MACROD2: variants seen among roughly 807,000 people sequenced by gnomAD.
MACROD2 encodes mono-ADP ribosylhydrolase 2, also known as ADP-ribose glycohydrolase MACROD2.
MACROD2 carries 36 observed loss-of-function variants against 70.4 expected under a neutral mutation model. The observed-to-expected ratio is 0.51, with a 90% confidence interval of 0.39 to 0.68. The LOEUF (loss-of-function observed/expected upper bound fraction) is 0.68. MACROD2 is among the 30% of genes least tolerant of loss of function. The pLI is 0.00. For missense variants in MACROD2, 496 were observed against 538.4 expected (o/e 0.92, Z 0.78); for synonymous variants, 172 against 178.8 (o/e 0.96, Z 0.30).
intron 2 of MACROD2, among the ~76,000 whole-genome samples, chr20:14,051,197 G>A (rs1000120447): frequency 5.9e-5 from 9 of 152,160 alleles, no homozygotes; most frequent in Admixed American, 1.3e-4. Context: ...GGAAAGGATG[G>A]AGGAATGAGA....
At chr20:15,866,952 A>T (rs1207292880) in intron 9 of MACROD2, among the ~76,000 whole-genome samples, 1 of 152,168 alleles carries the variant, frequency 6.6e-6, no homozygotes, top group Non-Finnish European at 1.5e-5. Flanking sequence ...CAGGCCTCTA[A>T]AAACAAAGTA....
intron 3 of MACROD2, among the ~76,000 whole-genome samples, chr20:14,212,083 A>T (rs2081576021): frequency 6.6e-6 from 1 of 152,208 alleles, no homozygotes; most frequent in Non-Finnish European, 1.5e-5. Context: ...CACACCTGAA[A>T]CACATCTTGC....
At chr20:15,222,534 TA>T (rs2076871023) in intron 5 of MACROD2, among the ~76,000 whole-genome samples, 1 of 152,218 alleles carries the variant, frequency 6.6e-6, no homozygotes. Flanking sequence ...GTTGTATCTC[TA>T]AAAAAGAAAA....
chr20:14,412,340 A>C (rs1017833251), intron 3 of MACROD2, among the ~76,000 whole-genome samples: 1 of 152,172 alleles, frequency 6.6e-6, no homozygotes, highest in Admixed American at 6.5e-5. Flanking sequence ...TCAATTAAAG[A>C]TGTCATGTTG....
intron 5 of MACROD2, among the ~76,000 whole-genome samples, chr20:15,140,339 C>CCTAT (rs11473490): frequency 0.58 from 87,581 of 151,244 alleles, 25,407 homozygotes; most frequent in East Asian, 0.6. Context: ...CAGAGAAAGG[C>CCTAT]CTATCAGTAC....
intron 6 of MACROD2, among the ~76,000 whole-genome samples, chr20:15,302,419 A>G (rs2077655996): frequency 8.9e-6 from 1 of 112,422 alleles, no homozygotes; most frequent in Non-Finnish European, 1.9e-5. Flanking sequence ...ATTTTGCTCT[A>G]TAGAAACGGG....
intron 10 of MACROD2, among the ~76,000 whole-genome samples, chr20:15,928,550 G>A (rs923724766): frequency 4.6e-5 from 7 of 152,232 alleles, no homozygotes; most frequent in South Asian, 4.1e-4. Flanking sequence ...GTCCCCTGCT[G>A]CCATCACTTG....
chr20:14,396,794 G>A lies in MACROD2; in HGVS notation c.272-96685G>A, dbSNP rs191321023. Among the ~76,000 whole-genome samples, 1,293 of 151,082 alleles carry A rather than the reference G, an allele frequency of 8.6e-3. 14 individuals carry two copies. Among genetic ancestry groups the A allele is most frequent in the Non-Finnish European group, 0.013 (888 of 67,710 alleles). ...CAAAAAATTAGCTGGGCATGGTGGC[G>A]GGTGCCTGTAGTTCCAGCTACTCGG... On this transcript the variant is annotated intron_variant, in intron 3 of 17. Transcript: ENST00000684519.
intron 4 of MACROD2, among the ~76,000 whole-genome samples, chr20:14,507,904 G>C (rs1366687749): frequency 6.6e-6 from 1 of 152,140 alleles, no homozygotes; most frequent in East Asian, 1.9e-4. Context: ...ACTTAACTCA[G>C]AAATTTCTGA....
chr20:14,792,080 T>A (rs1403437135), intron 5 of MACROD2, among the ~76,000 whole-genome samples: 2 of 152,060 alleles, frequency 1.3e-5, no homozygotes, highest in African/African-American at 2.4e-5. Context: ...AGGGTTTTTT[T>A]AATGAAAGAT....
intron 10 of MACROD2, among the ~76,000 whole-genome samples, chr20:15,907,292 A>G (rs1051943773): frequency 6.6e-6 from 1 of 152,252 alleles, no homozygotes; most frequent in Non-Finnish European, 1.5e-5. Context: ...AGCTCACAAG[A>G]TCAGTCAATC....
chr20:13,997,116 AAT>A (rs1371827371), intron 1 of MACROD2, among the ~76,000 whole-genome samples: 3 of 152,204 alleles, frequency 2.0e-5, no homozygotes, highest in African/African-American at 7.2e-5. Context: ...AGGAAGATTT[AAT>A]AATAGAACCG....
At chr20:15,508,116 A>G (rs1006720149) in intron 8 of MACROD2, among the ~76,000 whole-genome samples, 4 of 152,158 alleles carry the variant, frequency 2.6e-5, no homozygotes, top group African/African-American at 9.7e-5. Context: ...AGGGACACCA[A>G]CCTACAGTCC....
At chr20:14,276,197 A>G (rs2082253773) in intron 3 of MACROD2, among the ~76,000 whole-genome samples, 1 of 152,104 alleles carries the variant, frequency 6.6e-6, no homozygotes, top group Admixed American at 6.6e-5. Flanking sequence ...TTGCAGCACT[A>G]TTTGCAATAG....
At chr20:15,456,305 C>T (rs1253078862) in intron 7 of MACROD2, among the ~76,000 whole-genome samples, 1 of 152,192 alleles carries the variant, frequency 6.6e-6, no homozygotes, top group African/African-American at 2.4e-5. Context: ...AGTTCCTTCC[C>T]CTGGGAGAAT....
intron 8 of MACROD2, among the ~76,000 whole-genome samples, chr20:15,537,585 T>A (rs538506184): frequency 6.6e-6 from 1 of 151,540 alleles, no homozygotes; most frequent in Non-Finnish European, 1.5e-5. Flanking sequence ...GCAATTCTTG[T>A]GCCTCAGTCT....
chr20:15,814,880 T>A (rs990137136), intron 8 of MACROD2, among the ~76,000 whole-genome samples: 7 of 152,244 alleles, frequency 4.6e-5, no homozygotes, highest in Non-Finnish European at 1.0e-4. Context: ...GCTTACTAAA[T>A]GTTTTATCAG....
At chr20:15,025,331 G>A (rs1456353089) in intron 5 of MACROD2, among the ~76,000 whole-genome samples, 1 of 152,078 alleles carries the variant, frequency 6.6e-6, no homozygotes, top group Non-Finnish European at 1.5e-5. Context: ...CTTGGGTGGT[G>A]TCTACCTCCT....
At chr20:14,832,585 C>G (rs1227739022) in intron 5 of MACROD2, among the ~76,000 whole-genome samples, 1 of 152,088 alleles carries the variant, frequency 6.6e-6, no homozygotes, top group Non-Finnish European at 1.5e-5. Flanking sequence ...GGGTGCCCCA[C>G]TGGTCTCAAG....
Sources: gnomAD v4.1 joint callset for allele counts (sites outside exome capture counted in the v4.1 genomes callset) on GRCh38, gnomAD v4.1.1 for gene constraint, MANE v1.5 for transcripts, NCBI Gene and HGNC (gene_info 2026-07-23, HGNC 2026-07-21) for gene names.